Variants in SAMD12 observed in about 807,000 individuals in gnomAD.
SAMD12 encodes sterile alpha motif domain-containing protein 12.
SAMD12 carries 9 observed loss-of-function variants against 15.0 expected under a neutral mutation model. That is an observed-to-expected ratio of 0.60 (90% CI 0.36 to 1.05). The LOEUF is 1.05. Among genes scored for constraint, SAMD12 ranks in the 50% least tolerant of loss-of-function variants. The pLI is 0.01. For synonymous variants in SAMD12, 86 were observed against 90.1 expected, an observed-to-expected ratio of 0.96 and a Z score of 0.25; for missense variants, 230 against 234.2, an observed-to-expected ratio of 0.98 and a Z score of 0.12.
At chr8:118,349,656 C>T (rs1182832694) in intron 4 of SAMD12, among the ~76,000 whole-genome samples, 1 of 152,202 alleles carries the variant, frequency 6.6e-6, no homozygotes, top group Non-Finnish European at 1.5e-5. Flanking sequence ...AGTACATGCT[C>T]AATAAATGTG....
chr8:118,280,229 T>C (rs1813584590), intron 4 of SAMD12, among the ~76,000 whole-genome samples: 1 of 152,256 alleles, frequency 6.6e-6, no homozygotes, highest in Non-Finnish European at 1.5e-5. Context: ...TAGCATAATG[T>C]CCTTGTTCTT....
In SAMD12 at chr8:118,457,285, C is replaced by T. The variant is rs1265005321; in HGVS notation, c.193-17324G>A. The stretch of plus-strand genomic sequence containing the variant: ...TTACTCTCTTGCCCATGCTGGAGTG[C>T]GGTGGCATGATCATCGCTCACTGCA... On this transcript the variant is annotated intron_variant, in intron 2 of 3. Transcript: ENST00000314727. Among the ~76,000 whole-genome samples the T allele has an allele frequency of 2.7e-5, 4 of 149,752 alleles. No homozygotes were observed. The East Asian group carries it at 5.9e-4, about 22-fold the overall frequency.
intron 1 of SAMD12, among the ~76,000 whole-genome samples, chr8:118,584,788 C>A (rs1308680787): frequency 2.0e-5 from 3 of 151,890 alleles, no homozygotes; most frequent in African/African-American, 7.3e-5. Context: ...ACCTACTTCC[C>A]CAGAAAATTG....
At chr8:118,338,307 T>A (rs1231741859) in intron 4 of SAMD12, among the ~76,000 whole-genome samples, 1 of 152,236 alleles carries the variant, frequency 6.6e-6, no homozygotes, top group Non-Finnish European at 1.5e-5. Flanking sequence ...TAGAACTGGA[T>A]GAAGTATGCA....
At chr8:118,541,130 C>T (rs1477597798) in intron 2 of SAMD12, among the ~76,000 whole-genome samples, 4 of 152,116 alleles carry the variant, frequency 2.6e-5, no homozygotes, top group Admixed American at 2.6e-4. Context: ...ATATTGTATA[C>T]TATATTGTGT....
chr8:118,539,616 G>A lies in SAMD12; in HGVS notation c.192+41099C>T, dbSNP rs553278325. ...CACCCCAGAGCCACAGGGTCCTGGG[G>A]AAGAACTGCTGGTCACCATGTTTGT... On this transcript the variant is annotated intron_variant, in intron 2 of 3. Coordinates refer to ENST00000314727, the MANE Select transcript of SAMD12 (RefSeq NM_207506.3). Among the ~76,000 whole-genome samples the A allele has an allele frequency of 2.4e-4, 36 of 152,276 alleles. No homozygotes were observed. The South Asian group carries it at 5.8e-3, about 25-fold the overall frequency.
At chr8:118,484,707 C>G (rs188194438) in intron 2 of SAMD12, among the ~76,000 whole-genome samples, 1 of 152,192 alleles carries the variant, frequency 6.6e-6, no homozygotes, top group East Asian at 1.9e-4. Context: ...TCCTAAGGAG[C>G]CTTACCTCTC....
At chr8:118,516,919 G>A (rs536049646) in intron 2 of SAMD12, among the ~76,000 whole-genome samples, 12 of 152,264 alleles carry the variant, frequency 7.9e-5, no homozygotes, top group African/African-American at 2.2e-4. Context: ...GATTACAGGC[G>A]TGAGCCACCG....
In SAMD12 at chr8:118,621,960, A is replaced by T. The variant is rs753504718; in HGVS notation, c.-144T>A. On this transcript the variant is annotated 5_prime_UTR_variant, in exon 1 of 4. Coordinates refer to ENST00000314727, the MANE Select transcript of SAMD12 (RefSeq NM_207506.3). The stretch of plus-strand genomic sequence containing the variant: ...CAACCTGCCGCGGTCACGCAAAGCG[A>T]GGCAGCCGGCTCCCGGCTCGGCGCG... 2.0e-6 allele frequency: 2 copies of T among 1,017,696 alleles called. No homozygotes were observed. The highest frequency in any genetic ancestry group is 3.1e-6 in the Non-Finnish European group (2 of 645,204). The allele number at this position is 1,017,696 out of a possible 1,614,324, so 63.0% of individuals were successfully genotyped here.
At chr8:118,399,731 G>C (rs993947319) in intron 3 of SAMD12, among the ~76,000 whole-genome samples, 1 of 152,144 alleles carries the variant, frequency 6.6e-6, no homozygotes, top group Non-Finnish European at 1.5e-5. Context: ...TCTGAAAGTA[G>C]ATTTCCTTCT....
chr8:118,457,799 C>T (rs760758144), intron 2 of SAMD12, among the ~76,000 whole-genome samples: 4 of 152,122 alleles, frequency 2.6e-5, no homozygotes, highest in Non-Finnish European at 5.9e-5. Context: ...CACAAATATC[C>T]AATTAAACAT....
At chr8:118,404,471 T>G (rs999546183) in intron 3 of SAMD12, among the ~76,000 whole-genome samples, 2 of 152,214 alleles carry the variant, frequency 1.3e-5, no homozygotes, top group African/African-American at 4.8e-5. Context: ...TGATAGGTGG[T>G]TGAAATAGTC....
At chr8:118,354,485 T>G (rs1818126224) in intron 4 of SAMD12, among the ~76,000 whole-genome samples, 1 of 152,244 alleles carries the variant, frequency 6.6e-6, no homozygotes, top group Non-Finnish European at 1.5e-5. Flanking sequence ...ATTTCTAAGC[T>G]CAGGTTTCTT....
intron 2 of SAMD12, among the ~76,000 whole-genome samples, chr8:118,558,446 T>C (rs1289400034): frequency 1.3e-5 from 2 of 152,212 alleles, no homozygotes; most frequent in Non-Finnish European, 2.9e-5. Context: ...CAGTAAGATA[T>C]AACATCTTGA....
At chr8:118,350,910 C>T (rs758284807) in intron 4 of SAMD12, among the ~76,000 whole-genome samples, 1 of 152,166 alleles carries the variant, frequency 6.6e-6, no homozygotes, top group Non-Finnish European at 1.5e-5. Flanking sequence ...ATAAGCTAAT[C>T]CTTTTCTATT....
chr8:118,492,285 C>A (rs1260242448), intron 2 of SAMD12, among the ~76,000 whole-genome samples: 1 of 151,940 alleles, frequency 6.6e-6, no homozygotes, highest in East Asian at 1.9e-4. Flanking sequence ...CCATTCGAAT[C>A]TTTGCCAATC....
intron 4 of SAMD12, chr8:118,284,221 C>T (rs1813807502): frequency 2.2e-6 from 1 of 445,786 alleles, no homozygotes; most frequent in South Asian, 1.6e-5. Context: ...AGGTTTCTTG[C>T]ATTTTTTAAA....
chr8:118,600,037 A>G (rs1827822108), intron 1 of SAMD12, among the ~76,000 whole-genome samples: 1 of 152,190 alleles, frequency 6.6e-6, no homozygotes, highest in Non-Finnish European at 1.5e-5. Flanking sequence ...GGGTTTTCTG[A>G]GACTTGCAAT....
intron 3 of SAMD12, among the ~76,000 whole-genome samples, chr8:118,430,203 CAG>C (rs1822358376): frequency 6.6e-6 from 1 of 152,090 alleles, no homozygotes. Flanking sequence ...TTCAGATCAT[CAG>C]AGAGTGATGT....
Sources: gnomAD v4.1 joint callset for allele counts (sites outside exome capture counted in the v4.1 genomes callset) on GRCh38, gnomAD v4.1.1 for gene constraint, MANE v1.5 for transcripts, NCBI Gene and HGNC (gene_info 2026-07-23, HGNC 2026-07-21) for gene names.